The following ADAMTS14 variants were observed in gnomAD, a reference collection of about 807,000 sequenced individuals.
The protein encoded by ADAMTS14 is A disintegrin and metalloproteinase with thrombospondin motifs 14.
A neutral mutation model predicts 128.6 loss-of-function variants in ADAMTS14; 100 were observed. The ratio of observed to expected loss-of-function variants is 0.78; its 90% CI spans 0.66 to 0.92. The LOEUF is 0.92. Ranked by LOEUF, ADAMTS14 falls within the 40% of genes least tolerant of loss-of-function variation. The pLI is 0.00. For synonymous variants in ADAMTS14, 665 were observed against 653.8 expected (o/e 1.02, Z -0.26); for missense variants, 1,562 against 1,658.6 (o/e 0.94, Z 1.01).
At chr10:70,690,866 G>A (rs1269750399) in intron 2 of ADAMTS14, among the ~76,000 whole-genome samples, 1 of 145,242 alleles carries the variant, frequency 6.9e-6, no homozygotes, top group Non-Finnish European at 1.6e-5. Context: ...CTTGAGGGCT[G>A]CTTCCTGTCT....
Position 70,752,079 on chromosome 10 carries a change from C to G in ADAMTS14, c.2597-16C>G. On this transcript the variant is annotated splice_polypyrimidine_tract_variant and intron_variant, in intron 17 of 21. Coordinates refer to ENST00000373207, the MANE Select transcript of ADAMTS14 (RefSeq NM_080722.4). ...CCTGGCTGGACTAGGCCCACGGCAGCCTGCCCACCCCATAGGGATCCAGTT... is the reference window on the plus strand; with the variant it reads ...CCTGGCTGGACTAGGCCCACGGCAGGCTGCCCACCCCATAGGGATCCAGTT... 6.2e-7 allele frequency: 1 copy of G among 1,605,392 alleles called. No homozygotes were observed. Among genetic ancestry groups the G allele is most frequent in the Non-Finnish European group, 8.5e-7 (1 of 1,175,960 alleles).
rs1564546669 is a variant in ADAMTS14, at chr10:70,735,218, C to T, written c.1402C>T (p.Pro468Ser). 1.2e-6 allele frequency: 2 copies of T among 1,613,814 alleles called. No individual in the cohort carries two copies. Among genetic ancestry groups the T allele is most frequent in the Non-Finnish European group, 8.5e-7 (1 of 1,179,874 alleles). The change falls in exon 9 of 22, where the codon CCC (proline) becomes TCC (serine). Residue 468 changes from proline (P) to serine (S), a missense_variant. Transcript: ENST00000373207. ...CCCCTTTGATCCTGCCTGGCCCCAG[C>T]CCCCAGAGCTGCCTGGGATCAACTA... is the stretch of plus-strand genomic sequence containing the variant. ...DDPFDPAWPQ[P>S]PELPGINYSM...
intron 4 of ADAMTS14, among the ~76,000 whole-genome samples, chr10:70,727,203 C>T (rs1181366849): frequency 6.6e-6 from 1 of 152,240 alleles, no homozygotes; most frequent in African/African-American, 2.4e-5. Flanking sequence ...TGCTTACAGC[C>T]TGGCTGCCTC....
At chr10:70,743,426 C>T (rs755549314) in intron 12 of ADAMTS14, 122 bp from the exon 13 acceptor site, 43 of 1,218,932 alleles carry the variant, frequency 3.5e-5, no homozygotes, top group Non-Finnish European at 4.5e-5. Context: ...GTGCCACACC[C>T]AGTGCTCCCC....
intron 12 of ADAMTS14, among the ~76,000 whole-genome samples, chr10:70,741,728 T>C (rs893676678): frequency 6.6e-6 from 1 of 152,172 alleles, no homozygotes; most frequent in Non-Finnish European, 1.5e-5. Context: ...CCCTGGGACA[T>C]ACACAGGACT....
intron 3 of ADAMTS14, among the ~76,000 whole-genome samples, chr10:70,706,780 C>A (rs1251088732): frequency 2.0e-5 from 3 of 152,246 alleles, no homozygotes; most frequent in African/African-American, 7.2e-5. Flanking sequence ...GAGATAAAAA[C>A]AAATGGTGAC....
intron 7 of ADAMTS14, among the ~76,000 whole-genome samples, chr10:70,732,562 G>C (rs1354660417): frequency 6.6e-6 from 1 of 152,238 alleles, no homozygotes; most frequent in Non-Finnish European, 1.5e-5. Flanking sequence ...GAGCCAAGGG[G>C]CATGAGTAGT....
rs1345451912 is a variant in ADAMTS14, at chr10:70,732,263, C to T, written c.1112C>T (p.Pro371Leu). 6.2e-7 allele frequency: 1 copy of T among 1,614,182 alleles called. No individual in the cohort carries two copies. The highest frequency in any genetic ancestry group is 8.5e-7 in the Non-Finnish European group (1 of 1,180,006). ...TTTCTCTCTTCGGCAGGGTATGCAC[C>T]CGTCACTGGCATGTGTCACCCCCTG... ...RQDFGPSGYAPVTGMCHPLRS... is the reference protein window; with the variant it reads ...RQDFGPSGYALVTGMCHPLRS... The change falls in exon 7 of 22, where the codon CCC (proline) becomes CTC (leucine). Residue 371 changes from proline (P) to leucine (L), a missense_variant. Coordinates refer to ENST00000373207, the MANE Select transcript of ADAMTS14 (RefSeq NM_080722.4).
At chr10:70,691,499 A>AAC (rs1554815422) in intron 2 of ADAMTS14, among the ~76,000 whole-genome samples, 57 of 141,366 alleles carry the variant, frequency 4.0e-4, no homozygotes, top group African/African-American at 1.4e-3. Flanking sequence ...AAAAAAAAAA[A>AAC]AAAAAAAAAA....
At chr10:70,719,411 C>CACACACAT (rs1399027568) in intron 4 of ADAMTS14, among the ~76,000 whole-genome samples, 7 of 131,080 alleles carry the variant, frequency 5.3e-5, no homozygotes, top group African/African-American at 2.0e-4. Flanking sequence ...CACACACACA[C>CACACACAT]ACTTTTTAGA....
At chr10:70,723,812 T>A (rs1841345874) in intron 4 of ADAMTS14, among the ~76,000 whole-genome samples, 1 of 152,194 alleles carries the variant, frequency 6.6e-6, no homozygotes, top group South Asian at 2.1e-4. Flanking sequence ...TTCTCTCTCC[T>A]GGGCCAGAGA....
chr10:70,750,526 G>A (rs1333527306), intron 16 of ADAMTS14, among the ~76,000 whole-genome samples: 1 of 152,182 alleles, frequency 6.6e-6, no homozygotes, highest in African/African-American at 2.4e-5. Context: ...TGTCCATGGT[G>A]CCCTCAGCAC....
chr10:70,729,626 G>A (rs1841565660), intron 5 of ADAMTS14, among the ~76,000 whole-genome samples: 1 of 152,104 alleles, frequency 6.6e-6, no homozygotes, highest in Non-Finnish European at 1.5e-5. Context: ...CCCTCTTCTT[G>A]GGGAAACTGG....
chr10:70,757,927 G>A (rs745732573), intron 19 of ADAMTS14, 35 bp from the exon 20 acceptor site: 24 of 1,560,830 alleles, frequency 1.5e-5, no homozygotes, highest in South Asian at 7.3e-5. Context: ...CCCTGACCCC[G>A]GCCGCTATGC....
In ADAMTS14 at chr10:70,690,114, G is replaced by A. The variant is rs1391317559; in HGVS notation, c.523-12198G>A. 4.8e-5 allele frequency among the ~76,000 whole-genome samples: 7 copies of A among 144,640 alleles called. 1 individual carries two copies. The highest frequency in any genetic ancestry group is 1.7e-4 in the African/African-American group (7 of 40,822). 94.9% of individuals were successfully genotyped at this position (144,640 alleles called of 152,430 possible). A position where few individuals can be genotyped will look rare whatever the true frequency, so the allele number is the denominator to read the frequency against. ...CAGTCATCATCTGATGAATGAATGA[G>A]TGAATATGTGCTATTGCAGGCAAGG... On this transcript the variant is annotated intron_variant, in intron 2 of 21. Transcript: ENST00000373207.
chr10:70,739,943 C>T (rs536451786), intron 11 of ADAMTS14, among the ~76,000 whole-genome samples: 4 of 152,258 alleles, frequency 2.6e-5, no homozygotes, highest in Non-Finnish European at 4.4e-5. Context: ...TTTCATCTGT[C>T]GGGAATACAA....
chr10:70,708,736 C>A lies in ADAMTS14; in HGVS notation c.828C>A (p.Gly276=). ...VVDDSVVRFH[G]KEHVQNYVLT... The stretch of plus-strand genomic sequence containing the variant: ...ACGACTCGGTGGTTCGCTTCCATGG[C>A]AAGGAGCATGTGCAGAACTATGTCC... The change falls in exon 4 of 22, where the codon GGC becomes GGA. Residue 276 remains glycine, a synonymous_variant. Coordinates refer to ENST00000373207, the MANE Select transcript of ADAMTS14 (RefSeq NM_080722.4). 6.2e-7 allele frequency: 1 copy of A among 1,601,040 alleles called. No homozygotes were observed.
chr10:70,709,751 C>T (rs1840784024), intron 4 of ADAMTS14, among the ~76,000 whole-genome samples: 1 of 152,210 alleles, frequency 6.6e-6, no homozygotes, highest in Non-Finnish European at 1.5e-5. Flanking sequence ...CCGCCCGCCT[C>T]AGCCTCCCAA....
chr10:70,760,336 C>T, intron 21 of ADAMTS14, 24 bp from the exon 22 acceptor site: 1 of 1,517,554 alleles, frequency 6.6e-7, no homozygotes, highest in Non-Finnish European at 8.8e-7. Flanking sequence ...TGCTTCCATC[C>T]TTGTCCTTGT....
Sources: allele counts gnomAD v4.1 joint callset (sites outside exome capture counted in the v4.1 genomes callset), GRCh38; gene constraint gnomAD v4.1.1; transcripts MANE v1.5; gene names NCBI Gene and HGNC (gene_info 2026-07-23, HGNC 2026-07-21).